EIF2S3: variants seen among roughly 807,000 people sequenced by gnomAD.
The protein encoded by EIF2S3 is eukaryotic translation initiation factor 2 subunit gamma.
In EIF2S3, 2 loss-of-function variants were observed where a neutral mutation model predicts 31.7. That is an observed-to-expected ratio of 0.06 (90% CI 0.03 to 0.20). The LOEUF is 0.20. Among genes scored for constraint, EIF2S3 ranks in the 10% least tolerant of loss-of-function variants. The pLI is 1.00. For synonymous variants in EIF2S3, 120 were observed against 126.7 expected (o/e 0.95, Z 0.36); for missense variants, 96 against 359.3 (o/e 0.27, Z 5.92).
intron 6 of EIF2S3, among the ~76,000 whole-genome samples, chrX:24,062,999 T>C (rs1490859694): frequency 8.9e-6 from 1 of 111,897 alleles, no homozygotes; most frequent in Non-Finnish European, 1.9e-5. Flanking sequence ...ATCCCAGCAC[T>C]TTGGGAGGCT....
rs752813491 is a variant in EIF2S3 at position 24,054,977 on chromosome X, C to T, written c.9C>T (p.Gly3=). 4 of 1,205,476 alleles carry T rather than the reference C, an allele frequency of 3.3e-6. No individual in the cohort carries two copies. The highest frequency in any genetic ancestry group is 4.5e-6 in the Non-Finnish European group (4 of 893,723). The change falls in exon 1 of 12, where the codon GGC becomes GGT. Residue 3 remains glycine, a synonymous_variant. Transcript: ENST00000253039. MA[G]GEAGVTLGQP... is the part of the protein sequence containing the mutation. ...CTTCCTCTTTTGGCAACATGGCGGG[C>T]GGAGAAGCTGGAGTGACTCTAGGGC...
In EIF2S3 at chrX:24,060,270, C is replaced by CG. The variant is rs754838762; in HGVS notation, c.478+88_478+89insG. On this transcript the variant is annotated intron_variant, in intron 5 of 11. Transcript: ENST00000253039. ...AAGGGGAACTAAGGCCTTTAAGGAT[C>CG]ATATCTATTACCTAAGGGTGACATG... 3 of 789,182 alleles carry CG rather than the reference C, an allele frequency of 3.8e-6. No homozygotes were observed. The South Asian group carries it at 6.6e-5, about 17-fold the overall frequency. The allele number at this position is 789,182 out of a possible 1,213,427, so 65.0% of individuals were successfully genotyped here.
At chrX:24,076,306 C>T (rs368105830) in intron 11 of EIF2S3, among the ~76,000 whole-genome samples, 5 of 111,165 alleles carry the variant, frequency 4.5e-5, no homozygotes, top group African/African-American at 1.6e-4. Flanking sequence ...CCGAGGTGGG[C>T]GGATCACTTG....
Position 24,057,569 on chromosome X carries a change from C to T in EIF2S3, c.261+21C>T, listed in dbSNP as rs753319082. 74 of 1,205,311 alleles carry T rather than the reference C, an allele frequency of 6.1e-5. 1 individual carries two copies. The East Asian group carries it at 7.7e-4, about 13-fold the overall frequency. ...CTAAGGTAAGCTGTGTACTGTGGAA[C>T]GAGAAACTAACTTTAATTGTTGTGC... On this transcript the variant is annotated intron_variant, in intron 3 of 11. Transcript: ENST00000253039.
At chrX:24,059,952 C>A in intron 4 of EIF2S3, 136 bp from the exon 5 acceptor site, 3 of 462,244 alleles carry the variant, frequency 6.5e-6, no homozygotes, top group Non-Finnish European at 1.1e-5. Context: ...TTTCCAAGTT[C>A]TAGAAACGAC....
In EIF2S3 at chrX:24,078,166, C is replaced by G. The variant is rs980694694; in HGVS notation, c.*1381C>G. On this transcript the variant is annotated 3_prime_UTR_variant, in exon 12 of 12. Coordinates refer to ENST00000253039, the MANE Select transcript of EIF2S3 (RefSeq NM_001415.4). ...TCAGCCTCCCATGTAGCTGATATTA[C>G]AGGCACTTGCCACCATACCCGGCTA... Among the ~76,000 whole-genome samples the G allele has an allele frequency of 1.8e-5, 2 of 110,516 alleles. No homozygotes were observed. Among genetic ancestry groups the G allele is most frequent in the African/African-American group, 6.6e-5 (2 of 30,403 alleles).
intron 1 of EIF2S3, 73 bp from the exon 2 acceptor site, chrX:24,055,542 T>C (rs765200746): frequency 4.4e-5 from 47 of 1,061,723 alleles, no homozygotes; most frequent in Non-Finnish European, 6.1e-5. Flanking sequence ...AAGATGTAGA[T>C]AGCAAACGTA....
chrX:24,064,168 A>G (rs755523658), intron 6 of EIF2S3, 33 bp from the exon 7 acceptor site: 8 of 1,097,150 alleles, frequency 7.3e-6, no homozygotes, highest in South Asian at 5.2e-5. Context: ...ATAAAACTGT[A>G]TAATTTTGAT....
intron 5 of EIF2S3, 50 bp from the exon 6 acceptor site, chrX:24,062,366 G>C (rs1386429271): frequency 8.7e-7 from 1 of 1,151,318 alleles, no homozygotes; most frequent in Non-Finnish European, 1.2e-6. Flanking sequence ...GCCTATTCTG[G>C]ATATTTCCAG....
chrX:24,068,312 A>G (rs1930608697), intron 9 of EIF2S3, among the ~76,000 whole-genome samples: 2 of 112,301 alleles, frequency 1.8e-5, no homozygotes, highest in Admixed American at 1.9e-4. Flanking sequence ...TTTAAACACA[A>G]AGGATACATT....
intron 5 of EIF2S3, among the ~76,000 whole-genome samples, chrX:24,061,546 C>T (rs1024992189): frequency 9.2e-6 from 1 of 108,513 alleles, no homozygotes; most frequent in African/African-American, 3.4e-5. Flanking sequence ...GTGACAGAGA[C>T]AGAGTGAGAC....
chrX:24,074,925 C>T (rs1930731427), intron 11 of EIF2S3, among the ~76,000 whole-genome samples: 1 of 83,199 alleles, frequency 1.2e-5, no homozygotes, highest in South Asian at 6.3e-4. Flanking sequence ...AATGCAGTGG[C>T]ATGATCTCAG....
Position 24,074,862 on chromosome X carries a change from C to CTTCTTTTTT in EIF2S3, c.1355+1601_1355+1602insCTTTTTTTT, listed in dbSNP as rs1555984976. ...GTACTCATCATTTTTTTTTCTTCTT[C>CTTCTTTTTT]TTTTTTTTTTTTTTTTTTTTTGAGA... is the stretch of plus-strand genomic sequence containing the variant. On this transcript the variant is annotated intron_variant, in intron 11 of 11. Transcript: ENST00000253039. Among the ~76,000 whole-genome samples, 20 of 47,467 alleles carry CTTCTTTTTT rather than the reference C, an allele frequency of 4.2e-4. 1 individual carries two copies. Among genetic ancestry groups the CTTCTTTTTT allele is most frequent in the African/African-American group, 1.8e-3 (19 of 10,439 alleles). 41.2% of individuals were successfully genotyped at this position (47,467 alleles called of 115,157 possible).
chrX:24,068,320 A>G (rs1044116422), intron 9 of EIF2S3, among the ~76,000 whole-genome samples: 3 of 112,290 alleles, frequency 2.7e-5, no homozygotes, highest in Non-Finnish European at 5.6e-5. Context: ...CAAAGGATAC[A>G]TTTTGATCAA....
At chrX:24,064,799 A>G (rs1175152765) in intron 7 of EIF2S3, among the ~76,000 whole-genome samples, 1 of 111,984 alleles carries the variant, frequency 8.9e-6, no homozygotes, top group Non-Finnish European at 1.9e-5. Context: ...ATTGTACTCC[A>G]GCCTGGGCAA....
At chrX:24,062,904 G>T (rs1051032767) in intron 6 of EIF2S3, among the ~76,000 whole-genome samples, 2 of 111,971 alleles carry the variant, frequency 1.8e-5, no homozygotes, top group Admixed American at 9.6e-5. Flanking sequence ...TACAGTATTT[G>T]TTACTGAACA....
At chrX:24,070,253 C>G (rs1930645706) in intron 9 of EIF2S3, among the ~76,000 whole-genome samples, 1 of 101,967 alleles carries the variant, frequency 9.8e-6, no homozygotes, top group African/African-American at 3.6e-5. Flanking sequence ...AGCCTGTAAT[C>G]CCAGGTCACA....
chrX:24,076,483 G>A (rs1281837002), intron 11 of EIF2S3, among the ~76,000 whole-genome samples: 2 of 111,595 alleles, frequency 1.8e-5, no homozygotes, highest in Admixed American at 9.6e-5. Flanking sequence ...GCAGTGAGCC[G>A]AGATCGTACC....
intron 9 of EIF2S3, among the ~76,000 whole-genome samples, chrX:24,069,558 A>G (rs1222077147): frequency 1.8e-5 from 2 of 108,817 alleles, no homozygotes; most frequent in Non-Finnish European, 3.8e-5. Context: ...AAATAGTAAG[A>G]TTAGCTGGGT....
Sources: gnomAD v4.1 joint callset for allele counts (sites outside exome capture counted in the v4.1 genomes callset) on GRCh38, gnomAD v4.1.1 for gene constraint, MANE v1.5 for transcripts, NCBI Gene and HGNC (gene_info 2026-07-23, HGNC 2026-07-21) for gene names.